The following DUSP22 variants were observed in gnomAD, a reference collection of about 807,000 sequenced individuals.
DUSP22 encodes dual specificity phosphatase 22.
A neutral mutation model predicts 24.5 loss-of-function variants in DUSP22; 24 were observed. The observed-to-expected ratio is 0.98, with a 90% CI of 0.71 to 1.38. DUSP22 has a LOEUF of 1.38. Among genes scored for constraint, DUSP22 ranks in the 40% most tolerant of loss-of-function variants. The probability of loss-of-function intolerance (pLI) is 0.00; values close to 1 mark genes in which losing one functional copy is unlikely to be tolerated. For missense variants in DUSP22, 330 were observed against 269.2 expected (o/e 1.23, Z -1.58); for synonymous variants, 160 against 106.4 (o/e 1.50, Z -3.10).
Position 350,711 on chromosome 6 carries a change from A to T in DUSP22, c.*1760A>T. 3 of 1,601,158 alleles carry T rather than the reference A, an allele frequency of 1.9e-6. No homozygotes were observed. The highest frequency in any genetic ancestry group is 2.6e-6 in the Non-Finnish European group (3 of 1,174,394). ...TACGTTAACAGAAAAATGATTTAGG[A>T]TATAGCTTGAATGCTTAAATATGTG... On this transcript the variant is annotated 3_prime_UTR_variant, in exon 7 of 7. Coordinates refer to ENST00000419235, the MANE Select transcript of DUSP22 (RefSeq NM_001286555.3).
rs1199476830 is a variant in DUSP22 at position 350,295 on chromosome 6, TTGTACTC to T, written c.*1347_*1353del. 21 of 996,642 alleles carry T rather than the reference TTGTACTC, an allele frequency of 2.1e-5. No individual in the cohort carries two copies. The African/African-American group carries it at 3.0e-4, about 14-fold the overall frequency. 61.7% of individuals were successfully genotyped at this position (996,642 alleles called of 1,614,324 possible). On this transcript the variant is annotated 3_prime_UTR_variant, in exon 7 of 7. Coordinates refer to ENST00000419235, the MANE Select transcript of DUSP22 (RefSeq NM_001286555.3). ...TTCAGGCCACGAGAGCATCTACAGT[TTGTACTC>T]TGGGGCTGCAGGCATCCTGGGACGC... is the stretch of plus-strand genomic sequence containing the variant.
chr6:326,699 T>C (rs1383198747), intron 3 of DUSP22, among the ~76,000 whole-genome samples: 1 of 152,302 alleles, frequency 6.6e-6, no homozygotes, highest in Admixed American at 6.5e-5. Context: ...ATCTACTGTG[T>C]TCTGGCACTG....
chr6:306,233 TTAGAAG>T (rs1179950042), intron 2 of DUSP22, among the ~76,000 whole-genome samples: 6 of 152,308 alleles, frequency 3.9e-5, no homozygotes, highest in African/African-American at 1.2e-4. Flanking sequence ...GGATAAGTTC[TTAGAAG>T]TAGAATTGCT....
chr6:338,002 C>G (rs1267069956), intron 4 of DUSP22: 1 of 152,566 alleles, frequency 6.6e-6, no homozygotes, highest in Non-Finnish European at 1.5e-5. Context: ...ATGCGCCGTG[C>G]TGCACTCTCC....
At chr6:296,698 C>T (rs1044196698) in intron 1 of DUSP22, among the ~76,000 whole-genome samples, 20 of 152,414 alleles carry the variant, frequency 1.3e-4, no homozygotes, top group Admixed American at 3.3e-4. Flanking sequence ...ACAAAACAAA[C>T]GACTAGTCTC....
At chr6:337,365 G>T (rs1264351615) in intron 4 of DUSP22, among the ~76,000 whole-genome samples, 1 of 152,308 alleles carries the variant, frequency 6.6e-6, no homozygotes, top group East Asian at 1.9e-4. Flanking sequence ...CTGAGCACTT[G>T]TAAAACTGAG....
intron 1 of DUSP22, among the ~76,000 whole-genome samples, chr6:303,148 A>C (rs1419790782): frequency 1.3e-5 from 2 of 152,294 alleles, no homozygotes; most frequent in African/African-American, 4.8e-5. Flanking sequence ...GACCCTCGGG[A>C]ATGAGAGACT....
intron 3 of DUSP22, among the ~76,000 whole-genome samples, 178 bp downstream of exon 3, chr6:312,140 C>T (rs113227500): frequency 2.5e-3 from 384 of 152,274 alleles, no homozygotes; most frequent in African/African-American, 8.8e-3. Context: ...TAGCGTGGCG[C>T]GAGGGTGTGT....
At chr6:317,441 C>A (rs1219326889) in intron 3 of DUSP22, among the ~76,000 whole-genome samples, 1 of 152,306 alleles carries the variant, frequency 6.6e-6, no homozygotes, top group Non-Finnish European at 1.5e-5. Flanking sequence ...TATTCTCTTT[C>A]CTCTCTTCCC....
At chr6:329,755 G>A (rs765161121) in intron 3 of DUSP22, among the ~76,000 whole-genome samples, 20 of 152,402 alleles carry the variant, frequency 1.3e-4, no homozygotes, top group Admixed American at 3.3e-4. Flanking sequence ...CCCAGCCTAC[G>A]ATGATAAATC....
At chr6:322,225 T>G (rs1482358998) in intron 3 of DUSP22, among the ~76,000 whole-genome samples, 1 of 152,304 alleles carries the variant, frequency 6.6e-6, no homozygotes, top group Non-Finnish European at 1.5e-5. Flanking sequence ...TAGGACAGCA[T>G]GACTAGGGAA....
intron 2 of DUSP22, among the ~76,000 whole-genome samples, chr6:307,033 C>T (rs1392597865): frequency 1.3e-5 from 2 of 152,312 alleles, no homozygotes; most frequent in African/African-American, 4.8e-5. Context: ...GATGCCAGGT[C>T]TGCAGTAGGC....
chr6:304,340 GC>G (rs1183790368), intron 1 of DUSP22, among the ~76,000 whole-genome samples: 1 of 152,310 alleles, frequency 6.6e-6, no homozygotes, highest in African/African-American at 2.4e-5. Flanking sequence ...GGGTGGGCAG[GC>G]GGGGCAGGGG....
At chr6:339,038 C>T (rs1759481722) in intron 4 of DUSP22, among the ~76,000 whole-genome samples, 1 of 152,302 alleles carries the variant, frequency 6.6e-6, no homozygotes, top group African/African-American at 2.4e-5. Flanking sequence ...GTTCCCCAAC[C>T]AGCTAGCCTT....
At chr6:319,905 A>G (rs953591440) in intron 3 of DUSP22, 4 of 152,386 alleles carry the variant, frequency 2.6e-5, no homozygotes, top group African/African-American at 9.6e-5. Context: ...TTAAATAGAT[A>G]TGACTCAAAT....
intron 4 of DUSP22, among the ~76,000 whole-genome samples, chr6:336,852 C>T (rs991080215): frequency 3.3e-5 from 5 of 152,306 alleles, no homozygotes; most frequent in African/African-American, 1.2e-4. Flanking sequence ...GCATGGTGCA[C>T]ACGGAAGGAA....
chr6:350,938 C>T lies in DUSP22; in HGVS notation c.*1987C>T. 1 of 1,594,686 alleles carries T rather than the reference C, an allele frequency of 6.3e-7. No individual in the cohort carries two copies. Among genetic ancestry groups the T allele is most frequent in the Non-Finnish European group, 8.6e-7 (1 of 1,164,040 alleles). On this transcript the variant is annotated 3_prime_UTR_variant, in exon 7 of 7. Transcript: ENST00000419235. ...CTGGTGCTGCCAAAAAGAAAAGCAA[C>T]ATAGAGTTTAAGTATCCAGTAGTGA...
intron 4 of DUSP22, among the ~76,000 whole-genome samples, chr6:342,752 G>C (rs1192728536): frequency 1.1e-4 from 17 of 151,776 alleles, no homozygotes; most frequent in Admixed American, 1.0e-3. Flanking sequence ...GGCAGAGATA[G>C]ATCACTTTCC....
intron 3 of DUSP22, among the ~76,000 whole-genome samples, chr6:315,813 C>G (rs1433991505): frequency 6.6e-6 from 1 of 152,308 alleles, no homozygotes. Context: ...GGGACAGGTA[C>G]TGTGGGTAAC....
Sources: allele counts gnomAD v4.1 joint callset (sites outside exome capture counted in the v4.1 genomes callset), GRCh38; gene constraint gnomAD v4.1.1; transcripts MANE v1.5; gene names NCBI Gene and HGNC (gene_info 2026-07-23, HGNC 2026-07-21).